Variants in FGD6 observed in about 807,000 individuals in gnomAD.
FGD6 encodes the protein FYVE, RhoGEF and PH domain containing 6, also known as FYVE, RhoGEF and PH domain-containing protein 6.
A neutral mutation model predicts 149.4 loss-of-function variants in FGD6; 90 were observed. The observed-to-expected ratio is 0.60, with a 90% CI of 0.51 to 0.72. The LOEUF (loss-of-function observed/expected upper bound fraction) is 0.72. FGD6 is among the 30% of genes least tolerant of loss of function. The probability of loss-of-function intolerance (pLI) is 0.00; values close to 1 mark genes in which losing one functional copy is unlikely to be tolerated. For missense variants in FGD6, 1,437 were observed against 1,684.8 expected, an observed-to-expected ratio of 0.85 and a Z score of 2.57; for synonymous variants, 527 against 584.0, an observed-to-expected ratio of 0.90 and a Z score of 1.41.
rs79350049 is a variant in FGD6 at position 95,217,374 on chromosome 12, C to A, written c.-134G>T. ...CATTCCGTCCCGCCGCCCCGCGGCG[C>A]AGCCTGAGCGCCACACAAAGGACGC... On this transcript the variant is annotated 5_prime_UTR_variant, in exon 1 of 21. Coordinates refer to ENST00000343958, the MANE Select transcript of FGD6 (RefSeq NM_018351.4). The A allele has an allele frequency of 0.09, 118,963 of 1,319,290 alleles. 5,870 individuals are homozygous for A. The highest frequency in any genetic ancestry group is 0.11 in the Middle Eastern group (530 of 5,038). 81.7% of individuals were successfully genotyped at this position (1,319,290 alleles called of 1,614,324 possible). A position where few individuals can be genotyped will look rare whatever the true frequency, so the allele number is the denominator to read the frequency against.
At chr12:95,113,733 C>T in intron 8 of FGD6, 32 bp from the exon 9 acceptor site, 1 of 1,439,454 alleles carries the variant, frequency 6.9e-7, no homozygotes, top group Non-Finnish European at 9.6e-7. Context: ...TATTTAAGTA[C>T]AATAAACCAG....
chr12:95,172,046 G>GGGGGGGGGT (rs562514503), intron 3 of FGD6, among the ~76,000 whole-genome samples: 2 of 136,418 alleles, frequency 1.5e-5, no homozygotes, highest in South Asian at 2.6e-4. Context: ...GGGGGGGGGG[G>GGGGGGGGGT]TTGTTATCAA....
At chr12:95,164,311 G>T (rs868317855) in intron 3 of FGD6, among the ~76,000 whole-genome samples, 1 of 148,186 alleles carries the variant, frequency 6.7e-6, no homozygotes, top group Admixed American at 6.9e-5. Flanking sequence ...GCACGATCTC[G>T]GCTCACGGCA....
chr12:95,181,995 A>G (rs1452907559), intron 2 of FGD6, among the ~76,000 whole-genome samples: 1 of 151,924 alleles, frequency 6.6e-6, no homozygotes, highest in Admixed American at 6.6e-5. Context: ...TCATTGCACC[A>G]AAGATGATGT....
chr12:95,187,156 C>T (rs937071190), intron 2 of FGD6, among the ~76,000 whole-genome samples: 4 of 148,384 alleles, frequency 2.7e-5, no homozygotes, highest in Admixed American at 1.4e-4. Flanking sequence ...ACGGTGAAAC[C>T]CCATCTCTAC....
In FGD6 at chr12:95,208,838, G is replaced by A. The variant is rs2056706197; in HGVS notation, c.2441+5C>T. 6.2e-7 allele frequency: 1 copy of A among 1,608,392 alleles called. No homozygotes were observed. The stretch of plus-strand genomic sequence containing the variant: ...ATGCAAAAGTGTCTGTCTGGCACCT[G>A]TTACCTGGAATGCTGATGTCTGGGT... On this transcript the variant is annotated splice_donor_5th_base_variant and intron_variant, in intron 2 of 20. Transcript: ENST00000343958.
At position 95,210,339 on chromosome 12, in the gene FGD6, G is replaced by C. The variant is rs2056718872; in HGVS notation, c.945C>G (p.Pro315=). The C allele has an allele frequency of 6.2e-7, 1 of 1,613,870 alleles. No individual in the cohort carries two copies. Among genetic ancestry groups the C allele is most frequent in the Non-Finnish European group, 8.5e-7 (1 of 1,179,978 alleles). Residue 315 remains proline, a synonymous_variant, in exon 2 of 21, where the codon CCC becomes CCG. Transcript: ENST00000343958. The part of the protein sequence containing the change: ...LVPYTPKFPT[P]KPRKTRTARL... ...GAGCAGTTCGTGTCTTTCTGGGCTT[G>C]GGAGTTGGAAATTTTGGGGTATATG...
At chr12:95,186,204 A>C in intron 2 of FGD6, among the ~76,000 whole-genome samples, 1 of 146,066 alleles carries the variant, frequency 6.8e-6, no homozygotes, top group Non-Finnish European at 1.5e-5. Flanking sequence ...TCTATGAGCT[A>C]AGAATGCTTC....
chr12:95,212,837 C>T (rs1356934892), intron 1 of FGD6, among the ~76,000 whole-genome samples: 1 of 152,150 alleles, frequency 6.6e-6, no homozygotes, highest in Non-Finnish European at 1.5e-5. Flanking sequence ...GGGTGCTCTA[C>T]TTCCTTTTAC....
intron 3 of FGD6, among the ~76,000 whole-genome samples, chr12:95,167,487 C>A (rs1880854864): frequency 6.6e-6 from 1 of 151,988 alleles, no homozygotes; most frequent in Non-Finnish European, 1.5e-5. Flanking sequence ...TGATGTTGAA[C>A]ACCTTTTTAC....
In FGD6 at chr12:95,134,828, T is replaced by C; in HGVS notation, c.2995-2A>G. 1 of 1,610,618 alleles carries C rather than the reference T, an allele frequency of 6.2e-7. No individual in the cohort carries two copies. The highest frequency in any genetic ancestry group is 8.5e-7 in the Non-Finnish European group (1 of 1,178,390). ...CAGATTAGCACAGCGAGGGCTCATC[T>C]GAAAGGAGAAGGCATCTAAATTAAC... On this transcript the variant is annotated splice_acceptor_variant, in intron 7 of 20. Transcript: ENST00000343958. LOFTEE classifies it high-confidence loss of function.
chr12:95,101,045 T>G, intron 14 of FGD6: 1 of 285,348 alleles, frequency 3.5e-6, no homozygotes, highest in Admixed American at 3.7e-5. Context: ...AGAATGGAAA[T>G]AGTTATGTTG....
intron 2 of FGD6, among the ~76,000 whole-genome samples, chr12:95,195,253 G>A (rs1183199802): frequency 6.6e-6 from 1 of 152,142 alleles, no homozygotes; most frequent in South Asian, 2.1e-4. Flanking sequence ...CAGGTAAAAT[G>A]TCACTATGTT....
chr12:95,163,707 T>C (rs982411628), intron 3 of FGD6, among the ~76,000 whole-genome samples: 1 of 151,964 alleles, frequency 6.6e-6, no homozygotes, highest in Non-Finnish European at 1.5e-5. Context: ...GAGTAGGAGG[T>C]TGGACTAAAT....
At chr12:95,168,567 G>T (rs946488560) in intron 3 of FGD6, among the ~76,000 whole-genome samples, 1 of 151,894 alleles carries the variant, frequency 6.6e-6, no homozygotes, top group South Asian at 2.1e-4. Flanking sequence ...GGAGGCTCAG[G>T]CAAGAGAATC....
At chr12:95,146,284 A>C (rs1880015071) in intron 5 of FGD6, among the ~76,000 whole-genome samples, 1 of 152,168 alleles carries the variant, frequency 6.6e-6, no homozygotes, top group Non-Finnish European at 1.5e-5. Flanking sequence ...TTTTTTTTAT[A>C]AAAGGATTAT....
intron 18 of FGD6, among the ~76,000 whole-genome samples, chr12:95,087,552 C>G (rs1012877630): frequency 6.6e-6 from 1 of 152,126 alleles, no homozygotes; most frequent in Non-Finnish European, 1.5e-5. Flanking sequence ...GAAATGAATT[C>G]CCAGATGAGC....
intron 18 of FGD6, among the ~76,000 whole-genome samples, chr12:95,086,984 A>T (rs1280043287): frequency 6.6e-6 from 1 of 151,078 alleles, no homozygotes; most frequent in Non-Finnish European, 1.5e-5. Flanking sequence ...AGTAGCTGGG[A>T]TTACAGGCGT....
intron 14 of FGD6, among the ~76,000 whole-genome samples, chr12:95,101,326 G>A (rs1878423622): frequency 6.6e-6 from 1 of 152,108 alleles, no homozygotes; most frequent in African/African-American, 2.4e-5. Flanking sequence ...CTGGGCAACA[G>A]AGCGAGACTC....
Sources: gnomAD v4.1 joint callset for allele counts (sites outside exome capture counted in the v4.1 genomes callset) on GRCh38, gnomAD v4.1.1 for gene constraint, MANE v1.5 for transcripts, NCBI Gene and HGNC (gene_info 2026-07-23, HGNC 2026-07-21) for gene names.